STK32C: variants seen among roughly 807,000 people sequenced by gnomAD.
STK32C encodes serine/threonine kinase 32C, also known as serine/threonine-protein kinase 32C.
STK32C carries 31 observed loss-of-function variants against 56.5 expected under a neutral mutation model. The ratio of observed to expected loss-of-function variants is 0.55; its 90% CI spans 0.41 to 0.74. The LOEUF is 0.74. STK32C is among the 30% of genes least tolerant of loss of function. The pLI, the probability that STK32C is intolerant of heterozygous loss-of-function variation, is 0.00. For synonymous variants in STK32C, 309 were observed against 289.4 expected (o/e 1.07, Z -0.69); for missense variants, 544 against 676.9 (o/e 0.80, Z 2.18).
intron 2 of STK32C, among the ~76,000 whole-genome samples, chr10:132,234,889 T>C (rs530093870): frequency 4.0e-4 from 61 of 152,344 alleles, no homozygotes; most frequent in African/African-American, 1.3e-3. Flanking sequence ...GGTGGGAAGC[T>C]TGTGTGGCAC....
chr10:132,291,171 TCGG>T (rs2065551911), intron 1 of STK32C, among the ~76,000 whole-genome samples: 1 of 152,198 alleles, frequency 6.6e-6, no homozygotes, highest in Non-Finnish European at 1.5e-5. Flanking sequence ...TCCAATTAGC[TCGG>T]CGGTGGCTGA....
downstream of STK32C, among the ~76,000 whole-genome samples, chr10:132,319,977 T>C (rs141243983): frequency 1.3e-5 from 2 of 150,038 alleles, no homozygotes; most frequent in East Asian, 3.9e-4. Flanking sequence ...AACCTCCGCC[T>C]CCCAGGTTCA....
At chr10:132,319,873 T>C (rs891279459), downstream of STK32C, among the ~76,000 whole-genome samples, 4 of 152,038 alleles carry the variant, frequency 2.6e-5, no homozygotes, top group African/African-American at 9.7e-5. Context: ...ATAAAACTCA[T>C]CTATTGCACC....
chr10:132,261,472 T>C (rs1046681774), intron 1 of STK32C, among the ~76,000 whole-genome samples: 1 of 151,972 alleles, frequency 6.6e-6, no homozygotes, highest in Admixed American at 6.6e-5. Context: ...ATACTGCGGA[T>C]AGAAATCAGG....
upstream of STK32C, among the ~76,000 whole-genome samples, chr10:132,308,567 G>GAGGGT (rs1430510324): frequency 6.6e-6 from 1 of 151,388 alleles, no homozygotes; most frequent in Non-Finnish European, 1.5e-5. Flanking sequence ...CGCTGCGCCA[G>GAGGGT]AGGGTGGGGT....
At chr10:132,310,213 C>T (rs2066193414), upstream of STK32C, among the ~76,000 whole-genome samples, 1 of 152,194 alleles carries the variant, frequency 6.6e-6, no homozygotes, top group Non-Finnish European at 1.5e-5. This position sits in a 1 kb window ranked among gnomAD's most constrained non-coding sequence, Gnocchi z 4.6. Context: ...TTGCTGTGAG[C>T]CTCAAACACC....
At chr10:132,288,733 TG>T (rs1436731997) in intron 1 of STK32C, among the ~76,000 whole-genome samples, 1 of 152,204 alleles carries the variant, frequency 6.6e-6, no homozygotes, top group East Asian at 1.9e-4. Flanking sequence ...AAAAATTACT[TG>T]GGGATAAATT....
chr10:132,322,656 A>C (rs1485817200), downstream of STK32C, among the ~76,000 whole-genome samples: 1 of 152,306 alleles, frequency 6.6e-6, no homozygotes, highest in Admixed American at 6.5e-5. Flanking sequence ...AAATGTTGCC[A>C]GCATCTTAGA....
intron 1 of STK32C, among the ~76,000 whole-genome samples, chr10:132,316,276 G>A (rs2066307942): frequency 6.6e-6 from 1 of 152,146 alleles, no homozygotes; most frequent in Admixed American, 6.6e-5. Flanking sequence ...AAGATGGGAA[G>A]TTTTGTTCAT....
intron 1 of STK32C, among the ~76,000 whole-genome samples, chr10:132,288,507 T>C (rs973894641): frequency 4.6e-5 from 7 of 152,362 alleles, no homozygotes; most frequent in Admixed American, 4.6e-4. Flanking sequence ...GCGAGCTTTC[T>C]GAGGTGACAG....
At chr10:132,261,450 G>A (rs1590306673) in intron 1 of STK32C, among the ~76,000 whole-genome samples, 1 of 152,258 alleles carries the variant, frequency 6.6e-6, no homozygotes, top group East Asian at 1.9e-4. Context: ...GCTCTACAAG[G>A]GGAACTACAA....
chr10:132,259,505 T>TC (rs1190999212), intron 1 of STK32C, among the ~76,000 whole-genome samples: 1 of 151,928 alleles, frequency 6.6e-6, no homozygotes, highest in Non-Finnish European at 1.5e-5. Flanking sequence ...GGGGTGGAGT[T>TC]CCCCCTTGCT....
intron 1 of STK32C, among the ~76,000 whole-genome samples, chr10:132,270,431 T>C (rs965798715): frequency 6.6e-6 from 1 of 151,724 alleles, no homozygotes. Flanking sequence ...TGCAGGGGAG[T>C]GACCTCTGGA....
intron 3 of STK32C, 66 bp downstream of exon 3, chr10:132,227,911 G>A: frequency 5.1e-6 from 8 of 1,574,294 alleles, no homozygotes; most frequent in East Asian, 2.3e-5. Flanking sequence ...GGCAGGAGAG[G>A]ATAGCCAGTG....
chr10:132,311,250 TCTC>T (rs954733764), upstream of STK32C, among the ~76,000 whole-genome samples: 2 of 152,118 alleles, frequency 1.3e-5, no homozygotes, highest in Admixed American at 1.3e-4. The surrounding 1 kb of genome is among the most constrained non-coding windows in gnomAD (Gnocchi z 4.4). Context: ...TTTTATTAAA[TCTC>T]CTCAGATCAC....
intron 1 of STK32C, chr10:132,249,119 G>C (rs990132600): frequency 2.2e-6 from 1 of 461,958 alleles, no homozygotes; most frequent in South Asian, 1.5e-5. Flanking sequence ...GCGTGCCGGG[G>C]CGGGGCTGTG....
chr10:132,332,046 A>C (rs2066792269), upstream of STK32C: 4 of 302,668 alleles, frequency 1.3e-5, no homozygotes, highest in Admixed American at 5.5e-5. Flanking sequence ...GCACGCAGGC[A>C]CAAACCCCCA....
At chr10:132,267,431 ATGTG>A (rs35987231) in intron 1 of STK32C, among the ~76,000 whole-genome samples, 13 of 152,108 alleles carry the variant, frequency 8.5e-5, no homozygotes, top group African/African-American at 3.1e-4. Context: ...AGTTCTGTGC[ATGTG>A]TGTCAGTGCG....
rs1032790926 is a variant in STK32C at position 132,207,738 on chromosome 10, G to T, written c.*272C>A. ...GTCCCATCCATGGCCCCAGCTCCCC[G>T]TGAGCGGTAAGAGGGCGCCCAGCAG... On this transcript the variant is annotated 3_prime_UTR_variant, in exon 12 of 12. Transcript: ENST00000298630. 4 of 341,582 alleles carry T rather than the reference G, an allele frequency of 1.2e-5. No homozygotes were observed. The highest frequency in any genetic ancestry group is 8.4e-5 in the African/African-American group (4 of 47,412). 21.2% of individuals were successfully genotyped at this position (341,582 alleles called of 1,614,324 possible).
Sources: allele counts gnomAD v4.1 joint callset (sites outside exome capture counted in the v4.1 genomes callset), GRCh38; gene constraint gnomAD v4.1.1; non-coding constraint Gnocchi (gnomAD v3.1); transcripts MANE v1.5; gene names NCBI Gene and HGNC (gene_info 2026-07-23, HGNC 2026-07-21).